FOXP2: variants seen among roughly 807,000 people sequenced by gnomAD.
FOXP2 encodes the protein forkhead box protein P2.
Under a neutral mutation model 115.8 loss-of-function variants are expected in FOXP2, and 12 were observed. The observed-to-expected ratio is 0.10, with a 90% CI of 0.07 to 0.17. The LOEUF is 0.17. FOXP2 is among the 10% of genes least tolerant of loss of function. FOXP2 has a pLI of 1.00. For missense variants in FOXP2, 629 were observed against 843.5 expected (o/e 0.75, Z 3.15); for synonymous variants, 328 against 297.7 (o/e 1.10, Z -1.05).
intron 1 of FOXP2, among the ~76,000 whole-genome samples, chr7:114,088,625 T>A (rs1799477078): frequency 1.3e-5 from 2 of 152,236 alleles, no homozygotes; most frequent in African/African-American, 4.8e-5. Context: ...AGCAAGTCTG[T>A]GTTAGAGGTC....
chr7:114,135,835 A>G (rs1452673683), intron 1 of FOXP2, among the ~76,000 whole-genome samples: 2 of 152,106 alleles, frequency 1.3e-5, no homozygotes, highest in African/African-American at 4.8e-5. Context: ...AATATTTGTA[A>G]AGCAAATGTG....
At chr7:114,383,080 A>G (rs1478399830) in intron 2 of FOXP2, among the ~76,000 whole-genome samples, 1 of 152,198 alleles carries the variant, frequency 6.6e-6, no homozygotes, top group Non-Finnish European at 1.5e-5. Context: ...CTGAGATACC[A>G]GAGATCGCCA....
intron 2 of FOXP2, among the ~76,000 whole-genome samples, chr7:114,344,103 T>C (rs1007023327): frequency 6.6e-6 from 1 of 151,674 alleles, no homozygotes; most frequent in African/African-American, 2.4e-5. Flanking sequence ...TTGGTCAATA[T>C]TTGTTTATCA....
At chr7:114,490,611 C>T (rs967439824) in intron 2 of FOXP2, among the ~76,000 whole-genome samples, 19 of 151,952 alleles carry the variant, frequency 1.3e-4, no homozygotes, top group Non-Finnish European at 2.4e-4. Context: ...CCCATTAACT[C>T]GTCATTTAAC....
intron 1 of FOXP2, among the ~76,000 whole-genome samples, chr7:114,265,333 C>A (rs1302345882): frequency 6.6e-6 from 1 of 152,090 alleles, no homozygotes; most frequent in East Asian, 1.9e-4. Context: ...AGTTTGAAAC[C>A]CAGCAGGGCA....
chr7:114,158,471 G>A (rs772295652), upstream of FOXP2, among the ~76,000 whole-genome samples: 6 of 151,762 alleles, frequency 4.0e-5, no homozygotes, highest in Non-Finnish European at 5.9e-5. Flanking sequence ...GGGAAATTCC[G>A]ATTTGGCAAG....
intron 3 of FOXP2, among the ~76,000 whole-genome samples, chr7:114,571,655 T>C (rs1435361839): frequency 6.6e-6 from 1 of 151,888 alleles, no homozygotes; most frequent in East Asian, 1.9e-4. Flanking sequence ...TTCTTCCTTA[T>C]CATTATTCCC....
chr7:114,486,702 A>G (rs1796794894), intron 2 of FOXP2, among the ~76,000 whole-genome samples: 1 of 152,214 alleles, frequency 6.6e-6, no homozygotes, highest in Admixed American at 6.5e-5. Context: ...ACCCATTCCA[A>G]ATGGGAGAAA....
intron 1 of FOXP2, among the ~76,000 whole-genome samples, chr7:114,142,032 GT>G (rs894131961): frequency 1.2e-4 from 14 of 118,752 alleles, no homozygotes; most frequent in South Asian, 3.3e-4. Context: ...GAATTAGATT[GT>G]TTTTTTTTTA....
intron 1 of FOXP2, among the ~76,000 whole-genome samples, chr7:114,234,520 A>G (rs1794962475): frequency 1.3e-5 from 2 of 152,368 alleles, no homozygotes; most frequent in Admixed American, 6.5e-5. Flanking sequence ...CTGCAAATCA[A>G]TAGCAGATTT....
intron 1 of FOXP2, among the ~76,000 whole-genome samples, chr7:114,122,178 A>G (rs749549669): frequency 7.9e-5 from 12 of 152,124 alleles, no homozygotes; most frequent in Non-Finnish European, 1.6e-4. Context: ...CTAAGATGAC[A>G]ATTGCTGGAA....
intron 11 of FOXP2, among the ~76,000 whole-genome samples, chr7:114,658,935 G>A (rs1806729565): frequency 6.6e-6 from 1 of 152,240 alleles, no homozygotes; most frequent in African/African-American, 2.4e-5. Flanking sequence ...TTCAACATGG[G>A]TGCTTGGTGA....
At chr7:114,111,564 TTTTAAG>T (rs1347508863) in intron 1 of FOXP2, among the ~76,000 whole-genome samples, 1 of 152,132 alleles carries the variant, frequency 6.6e-6, no homozygotes, top group Non-Finnish European at 1.5e-5. Flanking sequence ...CTACAGGAAC[TTTTAAG>T]TTTATTTTTT....
In FOXP2 at chr7:114,690,074, C is replaced by T. The variant is rs750829464; in HGVS notation, c.*148C>T. 3 of 922,632 alleles carry T rather than the reference C, an allele frequency of 3.3e-6. No homozygotes were observed. The highest frequency in any genetic ancestry group is 2.7e-5 in the South Asian group (2 of 73,386). The allele number at this position is 922,632 out of a possible 1,614,324, so 57.2% of individuals were successfully genotyped here. A position where few individuals can be genotyped will look rare whatever the true frequency, so the allele number is the denominator to read the frequency against. On this transcript the variant is annotated 3_prime_UTR_variant, in exon 17 of 17. Transcript: ENST00000350908. ...GCCCTAAAGGAACTTACTAAGCCAG[C>T]CCTTTGGGATTCAGTACCAACAGGC...
At chr7:114,162,597 C>T (rs1040254882), upstream of FOXP2, among the ~76,000 whole-genome samples, 5 of 151,830 alleles carry the variant, frequency 3.3e-5, no homozygotes, top group African/African-American at 7.3e-5. Context: ...CATACCTAAT[C>T]GTCTTTGCCA....
intron 1 of FOXP2, among the ~76,000 whole-genome samples, chr7:114,202,463 A>C (rs984267385): frequency 6.6e-6 from 1 of 152,212 alleles, no homozygotes; most frequent in Non-Finnish European, 1.5e-5. Flanking sequence ...TGAACACTGC[A>C]TCTGAAATTT....
chr7:114,240,873 C>T (rs1393586989), intron 1 of FOXP2, among the ~76,000 whole-genome samples: 2 of 151,814 alleles, frequency 1.3e-5, no homozygotes, highest in Non-Finnish European at 2.9e-5. Flanking sequence ...ACTGTTAACA[C>T]CATTTTAATA....
At chr7:114,086,380 T>G (rs1364162461), upstream of FOXP2, 3 of 394,854 alleles carry the variant, frequency 7.6e-6, no homozygotes, top group Non-Finnish European at 1.0e-5. Flanking sequence ...CGCTTCGCCC[T>G]AGCTCTAGCC....
At chr7:114,281,745 A>T (rs1314707506) in intron 1 of FOXP2, among the ~76,000 whole-genome samples, 1 of 152,212 alleles carries the variant, frequency 6.6e-6, no homozygotes, top group Non-Finnish European at 1.5e-5. Context: ...CCTATTCTTG[A>T]ATAAATATGT....
Sources: gnomAD v4.1 joint callset for allele counts (sites outside exome capture counted in the v4.1 genomes callset) on GRCh38, gnomAD v4.1.1 for gene constraint, MANE v1.5 for transcripts, NCBI Gene and HGNC (gene_info 2026-07-23, HGNC 2026-07-21) for gene names.